PCDH15: variants seen among roughly 807,000 people sequenced by gnomAD.
The protein encoded by PCDH15 is protocadherin related 15.
PCDH15 carries 129 observed loss-of-function variants against 178.5 expected under a neutral mutation model. The observed-to-expected ratio is 0.72, with a 90% CI of 0.63 to 0.84. The LOEUF is 0.84. Ranked by LOEUF, PCDH15 falls within the 40% of genes least tolerant of loss-of-function variation. PCDH15 has a pLI of 0.00. For missense variants in PCDH15, 2,230 were observed against 2,099.9 expected, an observed-to-expected ratio of 1.06 and a Z score of -1.21; for synonymous variants, 800 against 732.0, an observed-to-expected ratio of 1.09 and a Z score of -1.50.
At chr10:54,224,377 G>C (rs1033426473) in intron 9 of PCDH15, among the ~76,000 whole-genome samples, 3 of 152,066 alleles carry the variant, frequency 2.0e-5, no homozygotes, top group Non-Finnish European at 4.4e-5. Flanking sequence ...CATTGTACGA[G>C]AATAGAAACA....
At chr10:55,201,842 T>C (rs1296549222) in intron 1 of PCDH15, among the ~76,000 whole-genome samples, 3 of 152,170 alleles carry the variant, frequency 2.0e-5, no homozygotes, top group Non-Finnish European at 4.4e-5. Flanking sequence ...CTTTAATAAA[T>C]AGGTTTGTTT....
chr10:54,427,754 A>T (rs960459867), intron 3 of PCDH15, among the ~76,000 whole-genome samples: 1 of 152,214 alleles, frequency 6.6e-6, no homozygotes, highest in Non-Finnish European at 1.5e-5. Context: ...CAGTAGACCA[A>T]CTGTGTAAAG....
At chr10:54,104,287 T>C (rs553475379) in intron 15 of PCDH15, among the ~76,000 whole-genome samples, 3 of 152,270 alleles carry the variant, frequency 2.0e-5, no homozygotes, top group Admixed American at 6.5e-5. Context: ...GTCCCCAGCC[T>C]TATCAGGGTC....
At chr10:54,583,144 C>A (rs1385679015) in intron 2 of PCDH15, among the ~76,000 whole-genome samples, 2 of 151,942 alleles carry the variant, frequency 1.3e-5, no homozygotes, top group Non-Finnish European at 2.9e-5. Context: ...AATGTATGCA[C>A]CCCTAAACAG....
intron 3 of PCDH15, among the ~76,000 whole-genome samples, chr10:54,384,423 G>C (rs1384572481): frequency 6.6e-6 from 1 of 150,606 alleles, no homozygotes; most frequent in East Asian, 2.0e-4. Flanking sequence ...TTAGATATGT[G>C]ATTTAAAATA....
At chr10:54,452,483 C>A (rs1424586181) in intron 3 of PCDH15, 2 of 152,094 alleles carry the variant, frequency 1.3e-5, no homozygotes, top group East Asian at 3.9e-4. Flanking sequence ...TGAATTCTTC[C>A]AATTTTAGTA....
chr10:55,626,399 T>TC (rs1009573878), intron 2 of PCDH15, among the ~76,000 whole-genome samples: 1 of 152,156 alleles, frequency 6.6e-6, no homozygotes, highest in African/African-American at 2.4e-5. Flanking sequence ...ATTATTCTAT[T>TC]CCCACAAATG....
At chr10:53,822,892 T>G in intron 32 of PCDH15, 1 of 1,613,318 alleles carries the variant, frequency 6.2e-7, no homozygotes, top group Non-Finnish European at 8.5e-7. Flanking sequence ...CAGATTCCAG[T>G]GTTTTCATTT....
intron 15 of PCDH15, among the ~76,000 whole-genome samples, chr10:54,092,184 A>G (rs1277898122): frequency 6.6e-6 from 1 of 152,050 alleles, no homozygotes. Flanking sequence ...TTGAGGGCTC[A>G]CTCTTACATT....
intron 1 of PCDH15, among the ~76,000 whole-genome samples, chr10:54,691,072 A>T (rs888385465): frequency 5.3e-5 from 8 of 152,188 alleles, no homozygotes; most frequent in African/African-American, 1.9e-4. Flanking sequence ...ATATGTTTTA[A>T]TTATCAATTA....
Position 54,939,212 on chromosome 10 carries a change from A to C in PCDH15, c.-79-41712T>G, listed in dbSNP as rs970744655. ...TTTTCTATTTTATCAAAAGTGATGT[A>C]GGCCGGGCGTGGTGGCTCACGCCCG... On this transcript the variant is annotated intron_variant, in intron 2 of 5. Transcript: ENST00000458638. 5.3e-5 allele frequency among the ~76,000 whole-genome samples: 8 copies of C among 152,076 alleles called. No homozygotes were observed. In the East Asian group the frequency reaches 1.6e-3, roughly 30 times the overall value.
chr10:54,229,308 G>A (rs908398440), intron 9 of PCDH15, among the ~76,000 whole-genome samples: 1 of 152,120 alleles, frequency 6.6e-6, no homozygotes, highest in Admixed American at 6.5e-5. Flanking sequence ...CATTTTCTAT[G>A]TGATATATGA....
At chr10:55,592,284 C>T (rs1326227757) in intron 2 of PCDH15, among the ~76,000 whole-genome samples, 1 of 151,912 alleles carries the variant, frequency 6.6e-6, no homozygotes, top group East Asian at 1.9e-4. Context: ...TGGGGTTCAG[C>T]CAATAAAAAG....
At chr10:54,122,994 C>G (rs34012938) in intron 15 of PCDH15, among the ~76,000 whole-genome samples, 12,002 of 152,060 alleles carry the variant, frequency 0.079, 549 homozygotes, top group African/African-American at 0.1. Context: ...TGGATACCTA[C>G]CTTTTACTAC....
At chr10:55,424,938 G>T (rs1838715664) in intron 2 of PCDH15, among the ~76,000 whole-genome samples, 1 of 151,790 alleles carries the variant, frequency 6.6e-6, no homozygotes. Flanking sequence ...TACGTTTACA[G>T]ATATGAAATG....
intron 21 of PCDH15, among the ~76,000 whole-genome samples, chr10:53,985,995 T>C (rs1025494757): frequency 2.6e-5 from 4 of 152,236 alleles, no homozygotes; most frequent in Non-Finnish European, 5.9e-5. Context: ...AAGTATTTCT[T>C]TTGTTTTTAG....
chr10:54,027,191 T>C (rs1463030288), intron 18 of PCDH15, among the ~76,000 whole-genome samples: 3 of 148,380 alleles, frequency 2.0e-5, no homozygotes, highest in Non-Finnish European at 4.4e-5. Flanking sequence ...CCATTCACAA[T>C]TGCTTCAAAG....
intron 2 of PCDH15, among the ~76,000 whole-genome samples, chr10:54,560,883 A>G (rs1206075688): frequency 2.6e-5 from 4 of 152,124 alleles, no homozygotes; most frequent in African/African-American, 9.6e-5. Context: ...CATTAAAACC[A>G]TTGGATGGGT....
intron 26 of PCDH15, among the ~76,000 whole-genome samples, chr10:53,902,232 G>A (rs371228313): frequency 6.6e-6 from 1 of 152,114 alleles, no homozygotes. Flanking sequence ...TCAGGGGTCT[G>A]TACTTAGCAT....
Sources: gnomAD v4.1 joint callset for allele counts (sites outside exome capture counted in the v4.1 genomes callset) on GRCh38, gnomAD v4.1.1 for gene constraint, MANE v1.5 for transcripts, NCBI Gene and HGNC (gene_info 2026-07-23, HGNC 2026-07-21) for gene names.